Variants in HNRNPCL2 observed in about 807,000 individuals in gnomAD.
The protein encoded by HNRNPCL2 is heterogeneous nuclear ribonucleoprotein C like 2.
A neutral mutation model predicts 18.2 loss-of-function variants in HNRNPCL2; 17 were observed. That is an observed-to-expected ratio of 0.94 (90% CI 0.64 to 1.40). The LOEUF (loss-of-function observed/expected upper bound fraction) is 1.40, where lower values mean the gene tolerates loss of function less well. Ranked by LOEUF, HNRNPCL2 falls within the 40% of genes most tolerant of loss-of-function variation. The pLI, the probability that HNRNPCL2 is intolerant of heterozygous loss-of-function variation, is 0.00. For missense variants in HNRNPCL2, 358 were observed against 357.1 expected (o/e 1.00, Z -0.02); for synonymous variants, 133 against 129.9 (o/e 1.02, Z -0.16).
At position 13,116,006 on chromosome 1, in the gene HNRNPCL2, G is replaced by C. The variant is rs760772185; in HGVS notation, c.395C>G (p.Pro132Arg). The C allele has an allele frequency of 5.0e-6, 8 of 1,613,352 alleles. No homozygotes were observed. The African/African-American group carries it at 9.4e-5, about 19-fold the overall frequency. ...GMYSFPARVP[P>R]PPPIALAVVP... is the part of the protein sequence containing the mutation. ...TACAGCCAGAGCAATGGGAGGAGGA[G>C]GAGGTACACGTGCTGGGAAACTGTA... The change falls in exon 2 of 2, where the codon CCT becomes CGT. Residue 132 changes from proline (P) to arginine (R), a missense_variant. Transcript: ENST00000621994.
chr1:13,116,311 T>A lies in HNRNPCL2; in HGVS notation c.90A>T (p.Lys30Asn). Residue 30 changes from lysine (K) to asparagine (N), a missense_variant, in exon 2 of 2, where the codon AAA becomes AAT. Physicochemically the swap from Lys to Asn is moderately conservative, Grantham distance 94. Transcript: ENST00000621994. ...IGNLNTLVVK[K>N]SDVEAIFSKY... ...TGGAAAAGATCGCCTCCACATCAGA[T>A]TTCTTGACAACAAGAGTGTTGAGAT... 1 of 1,612,396 alleles carries A rather than the reference T, an allele frequency of 6.2e-7. No individual in the cohort carries two copies. Among genetic ancestry groups the A allele is most frequent in the Non-Finnish European group, 8.5e-7 (1 of 1,179,484 alleles).
rs544443930 is a variant in HNRNPCL2, at chr1:13,116,447, G to A, written c.-47C>T. On this transcript the variant is annotated 5_prime_UTR_variant, in exon 2 of 2. Transcript: ENST00000621994. Reference sequence around the variant, plus strand: ...TCAAAAAGCCAAAAACAGGAGGCGGGAGGGAGAAGAGATTCGATTCTAAGT... The same window carrying A: ...TCAAAAAGCCAAAAACAGGAGGCGGAAGGGAGAAGAGATTCGATTCTAAGT... 117 of 1,556,786 alleles carry A rather than the reference G, an allele frequency of 7.5e-5. 2 individuals carry two copies. The South Asian group carries it at 1.4e-3, about 19-fold the overall frequency.
Position 13,115,583 on chromosome 1 carries a change from T to C in HNRNPCL2, c.818A>G (p.Asn273Ser). ...CTCTCCTTCCTCAGCATCTTTTTCA[T>C]TATTCTTGATCAAATGAAGCTGGTT... ...GDNQLHLIKN[N>S]EKDAEEGEDN... Residue 273 changes from asparagine to serine, a missense_variant, in exon 2 of 2, where the codon AAT (asparagine) becomes AGT (serine). Physicochemically the swap from Asn to Ser is conservative, Grantham distance 46. Coordinates refer to ENST00000621994, the MANE Select transcript of HNRNPCL2 (RefSeq NM_001136561.3). 1 of 1,613,480 alleles carries C rather than the reference T, an allele frequency of 6.2e-7. No individual in the cohort carries two copies. The highest frequency in any genetic ancestry group is 8.5e-7 in the Non-Finnish European group (1 of 1,179,900).
Position 13,115,606 on chromosome 1 carries a change from G to A in HNRNPCL2, c.795C>T (p.Asn265=). ...CATTATTCTTGATCAAATGAAGCTG[G>A]TTGTCCCCCTGATCTTCATTATCAT... ...DDDDNEDQGD[N]QLHLIKNNEK... Residue 265 remains asparagine, a synonymous_variant, in exon 2 of 2, where the codon AAC becomes AAT. Transcript: ENST00000621994. 1 of 1,613,466 alleles carries A rather than the reference G, an allele frequency of 6.2e-7. No homozygotes were observed. The highest frequency in any genetic ancestry group is 8.5e-7 in the Non-Finnish European group (1 of 1,179,946).
At position 13,116,084 on chromosome 1, in the gene HNRNPCL2, C is replaced by A; in HGVS notation, c.317G>T (p.Gly106Val). The change falls in exon 2 of 2, where the codon GGC (glycine) becomes GTC (valine). Residue 106 changes from glycine (G) to valine (V), a missense_variant. Gly to Val is a moderately radical substitution (Grantham distance 109). Coordinates refer to ENST00000621994, the MANE Select transcript of HNRNPCL2 (RefSeq NM_001136561.3). ...GCCATAGTCCAAGTCAAAAGAGGAG[C>A]CGTACATCTCCGCTGCGGATCGTTT... ...GVKRSAAEMY[G>V]SSFDLDYGFQ... 6.2e-7 allele frequency: 1 copy of A among 1,613,326 alleles called. No individual in the cohort carries two copies. Among genetic ancestry groups the A allele is most frequent in the Non-Finnish European group, 8.5e-7 (1 of 1,179,890 alleles).
In HNRNPCL2 at chr1:13,116,083, G is replaced by C; in HGVS notation, c.318C>G (p.Gly106=). 1 of 1,613,390 alleles carries C rather than the reference G, an allele frequency of 6.2e-7. No homozygotes were observed. Among genetic ancestry groups the C allele is most frequent in the Middle Eastern group, 1.7e-4 (1 of 6,058 alleles). The part of the protein sequence containing the change: ...GVKRSAAEMY[G]SSFDLDYGFQ... ...AGCCATAGTCCAAGTCAAAAGAGGAGCCGTACATCTCCGCTGCGGATCGTT... is the reference window on the plus strand; with the variant it reads ...AGCCATAGTCCAAGTCAAAAGAGGACCCGTACATCTCCGCTGCGGATCGTT... The change falls in exon 2 of 2, where the codon GGC becomes GGG. Residue 106 remains glycine, a synonymous_variant. Transcript: ENST00000621994.
rs1262159908 is a variant in HNRNPCL2 at position 13,116,007 on chromosome 1, G to C, written c.394C>G (p.Pro132Ala). ...GMYSFPARVP[P>A]PPPIALAVVP... ...ACAGCCAGAGCAATGGGAGGAGGAG[G>C]AGGTACACGTGCTGGGAAACTGTAC... The change falls in exon 2 of 2, where the codon CCT becomes GCT. Residue 132 changes from proline (P) to alanine (A), a missense_variant. Pro to Ala is a conservative substitution (Grantham distance 27). Transcript: ENST00000621994. 2 of 1,613,370 alleles carry C rather than the reference G, an allele frequency of 1.2e-6. No homozygotes were observed. The highest frequency in any genetic ancestry group is 1.7e-6 in the Non-Finnish European group (2 of 1,179,832).
Position 13,116,137 on chromosome 1 carries a change from T to G in HNRNPCL2, c.264A>C (p.Pro88=). The G allele has an allele frequency of 6.2e-7, 1 of 1,611,500 alleles. No homozygotes were observed. Among genetic ancestry groups the G allele is most frequent in the Non-Finnish European group, 8.5e-7 (1 of 1,179,060 alleles). The change falls in exon 2 of 2, where the codon CCA becomes CCC. Residue 88 remains proline (P), a synonymous_variant. Transcript: ENST00000621994. Reference sequence around the variant, plus strand: ...CACCTGCGTTTCCTCGGTTCACTTTTGGCTCTGCAGCCAGGTTAATAACTG... The same window carrying G: ...CACCTGCGTTTCCTCGGTTCACTTTGGGCTCTGCAGCCAGGTTAATAACTG... ...QVAVINLAAE[P]KVNRGNAGVK...
chr1:13,115,847 T>C lies in HNRNPCL2; in HGVS notation c.554A>G (p.Gln185Arg). The change falls in exon 2 of 2, where the codon CAG becomes CGG. Residue 185 changes from glutamine (Q) to arginine (R), a missense_variant. By Grantham distance (43) the Gln-to-Arg change is conservative. Transcript: ENST00000621994. ...TTTCTGTTTTATCTGGGTCAACTCC[T>C]GCTTAATGGCCTGAAGGTCATCTCC... ...LKGDDLQAIK[Q>R]ELTQIKQKVD... The C allele has an allele frequency of 6.2e-7, 1 of 1,613,126 alleles. No individual in the cohort carries two copies. Among genetic ancestry groups the C allele is most frequent in the Non-Finnish European group, 8.5e-7 (1 of 1,179,656 alleles).
At chr1:13,116,768 G>C in intron 1 of HNRNPCL2, 25 bp downstream of exon 1, 1 of 272,358 alleles carries the variant, frequency 3.7e-6, no homozygotes, top group Non-Finnish European at 6.8e-6. Context: ...ACATGGGAGT[G>C]TCCTTACAGA....
chr1:13,115,836 G>A lies in HNRNPCL2; in HGVS notation c.565C>T (p.Gln189Ter). The change falls in exon 2 of 2, where the codon CAG becomes TAG. Residue 189 changes from glutamine to a stop codon, truncating the protein, a stop_gained. Coordinates refer to ENST00000621994, the MANE Select transcript of HNRNPCL2 (RefSeq NM_001136561.3). LOFTEE classifies it high-confidence loss of function. ...AGAGAATCCACTTTCTGTTTTATCT[G>A]GGTCAACTCCTGCTTAATGGCCTGA... ...DLQAIKQELTQIKQKVDSLLE... is the reference protein window; with the variant it reads ...DLQAIKQELT The A allele has an allele frequency of 6.2e-7, 1 of 1,612,934 alleles. No homozygotes were observed. Among genetic ancestry groups the A allele is most frequent in the Non-Finnish European group, 8.5e-7 (1 of 1,179,658 alleles).
chr1:13,116,607 A>G, intron 1 of HNRNPCL2, 26 bp from the exon 2 acceptor site: 1 of 1,079,856 alleles, frequency 9.3e-7, no homozygotes, highest in Non-Finnish European at 1.3e-6. Context: ...GAAAAGCACA[A>G]CAACATTTTT....
At position 13,116,297 on chromosome 1, in the gene HNRNPCL2, G is replaced by T. The variant is rs780170156; in HGVS notation, c.104C>A (p.Ala35Glu). Residue 35 changes from alanine (A) to glutamate (E), a missense_variant, in exon 2 of 2, where the codon GCG becomes GAG. Physicochemically the swap from Ala to Glu is moderately radical, Grantham distance 107 (BLOSUM62 -1). Coordinates refer to ENST00000621994, the MANE Select transcript of HNRNPCL2 (RefSeq NM_001136561.3). Reference sequence around the variant, plus strand: ...AATTTTGCCATACTTGGAAAAGATCGCCTCCACATCAGATTTCTTGACAAC... The same window carrying T: ...AATTTTGCCATACTTGGAAAAGATCTCCTCCACATCAGATTTCTTGACAAC... ...TLVVKKSDVEAIFSKYGKIAG... is the reference protein window; with the variant it reads ...TLVVKKSDVEEIFSKYGKIAG... The T allele has an allele frequency of 3.1e-6, 5 of 1,611,716 alleles. No individual in the cohort carries two copies. Among genetic ancestry groups the T allele is most frequent in the South Asian group, 1.1e-5 (1 of 90,846 alleles).
chr1:13,116,529 AG>A lies in HNRNPCL2; in HGVS notation c.-130del. Reference sequence around the variant, plus strand: ...GACTGCGGCTCGAGGCCAGAAATGCAGCCAAAACAGCTCAGTCTTCGTCTCT... The same window carrying A: ...GACTGCGGCTCGAGGCCAGAAATGCACCAAAACAGCTCAGTCTTCGTCTCT... On this transcript the variant is annotated 5_prime_UTR_variant, in exon 2 of 2. Transcript: ENST00000621994. The A allele has an allele frequency of 7.2e-7, 1 of 1,396,436 alleles. No individual in the cohort carries two copies. The highest frequency in any genetic ancestry group is 2.8e-5 in the Admixed American group (1 of 35,578). 86.5% of individuals were successfully genotyped at this position (1,396,436 alleles called of 1,614,324 possible).
chr1:13,115,850 T>C lies in HNRNPCL2; in HGVS notation c.551A>G (p.Lys184Arg), dbSNP rs746822948. Residue 184 changes from lysine (K) to arginine (R), a missense_variant, in exon 2 of 2, where the codon AAG (lysine) becomes AGG (arginine). Lys to Arg is a conservative substitution (Grantham distance 26). Transcript: ENST00000621994. ...KLKGDDLQAI[K>R]QELTQIKQKV... is the part of the protein sequence containing the mutation. The stretch of plus-strand genomic sequence containing the variant: ...CTGTTTTATCTGGGTCAACTCCTGC[T>C]TAATGGCCTGAAGGTCATCTCCTTT... The C allele has an allele frequency of 6.2e-7, 1 of 1,613,120 alleles. No individual in the cohort carries two copies. Among genetic ancestry groups the C allele is most frequent in the Non-Finnish European group, 8.5e-7 (1 of 1,179,666 alleles).
At position 13,116,095 on chromosome 1, in the gene HNRNPCL2, C is replaced by T. The variant is rs78160026; in HGVS notation, c.306G>A (p.Ala102=). 2,182 of 1,612,954 alleles carry T rather than the reference C, an allele frequency of 1.4e-3. 26 individuals carry two copies. Among genetic ancestry groups the T allele is most frequent in the African/African-American group, 2.8e-3 (211 of 74,468 alleles). The change falls in exon 2 of 2, where the codon GCG becomes GCA. Residue 102 remains alanine, a synonymous_variant. Transcript: ENST00000621994. ...RGNAGVKRSA[A]EMYGSSFDLD... is the part of the protein sequence containing the mutation. ...AGTCAAAAGAGGAGCCGTACATCTC[C>T]GCTGCGGATCGTTTCACACCTGCGT...
chr1:13,116,368 A>C lies in HNRNPCL2; in HGVS notation c.33T>G (p.Pro11=). The change falls in exon 2 of 2, where the codon CCT becomes CCG. Residue 11 remains proline, a synonymous_variant. Coordinates refer to ENST00000621994, the MANE Select transcript of HNRNPCL2 (RefSeq NM_001136561.3). ...TGAACACACGGGAGTTCACGGAGTG[A>C]GGATCCATCTTGTTGGTAACGTTGC... MASNVTNKMD[P]HSVNSRVFIG... 1 of 1,613,130 alleles carries C rather than the reference A, an allele frequency of 6.2e-7. No individual in the cohort carries two copies. The highest frequency in any genetic ancestry group is 2.2e-5 in the East Asian group (1 of 44,812).
rs1194917383 is a variant in HNRNPCL2 at position 13,115,501 on chromosome 1, C to T, written c.*18G>A. Reference sequence around the variant, plus strand: ...GTAAAGAAACAATGGGATAAGATTTCTCAACCCCACTATGTGCTTAAGAGT... The same window carrying T: ...GTAAAGAAACAATGGGATAAGATTTTTCAACCCCACTATGTGCTTAAGAGT... On this transcript the variant is annotated 3_prime_UTR_variant, in exon 2 of 2. Coordinates refer to ENST00000621994, the MANE Select transcript of HNRNPCL2 (RefSeq NM_001136561.3). 1 of 1,547,076 alleles carries T rather than the reference C, an allele frequency of 6.5e-7. No individual in the cohort carries two copies. The highest frequency in any genetic ancestry group is 1.4e-5 in the African/African-American group (1 of 72,174).
At position 13,116,073 on chromosome 1, in the gene HNRNPCL2, C is replaced by T. The variant is rs779503741; in HGVS notation, c.328G>A (p.Asp110Asn). 1 of 1,613,408 alleles carries T rather than the reference C, an allele frequency of 6.2e-7. No homozygotes were observed. Among genetic ancestry groups the T allele is most frequent in the African/African-American group, 1.3e-5 (1 of 74,594 alleles). The change falls in exon 2 of 2, where the codon GAC becomes AAC. Residue 110 changes from aspartate to asparagine, a missense_variant. Physicochemically the swap from Asp to Asn is conservative, Grantham distance 23. Transcript: ENST00000621994. ...TCCCGTTGAAAGCCATAGTCCAAGTCAAAAGAGGAGCCGTACATCTCCGCT... is the reference window on the plus strand; with the variant it reads ...TCCCGTTGAAAGCCATAGTCCAAGTTAAAAGAGGAGCCGTACATCTCCGCT... ...SAAEMYGSSF[D>N]LDYGFQRDYY...
Sources: gnomAD v4.1 joint callset for allele counts on GRCh38, gnomAD v4.1.1 for gene constraint, MANE v1.5 for transcripts, NCBI Gene and HGNC (gene_info 2026-07-23, HGNC 2026-07-21) for gene names.